The following ZNF516 variants were observed in gnomAD, a reference collection of about 807,000 sequenced individuals.
ZNF516 encodes the protein zinc finger protein 516.
ZNF516 carries 19 observed loss-of-function variants against 79.7 expected under a neutral mutation model. The observed-to-expected ratio is 0.24, with a 90% CI of 0.17 to 0.35. ZNF516 has a LOEUF of 0.35. Among genes scored for constraint, ZNF516 ranks in the 10% least tolerant of loss-of-function variants. The probability of loss-of-function intolerance (pLI) is 1.00; values close to 1 mark genes in which losing one functional copy is unlikely to be tolerated. For missense variants in ZNF516, 1,678 were observed against 1,679.5 expected, an observed-to-expected ratio of 1.00 and a Z score of 0.02; for synonymous variants, 877 against 739.5, an observed-to-expected ratio of 1.19 and a Z score of -3.02.
chr18:76,436,770 G>A (rs1438129313), intron 3 of ZNF516, among the ~76,000 whole-genome samples: 3 of 152,060 alleles, frequency 2.0e-5, no homozygotes, highest in East Asian at 1.9e-4. Context: ...GTTTCAACGG[G>A]TAAACACATC....
chr18:76,412,081 G>A (rs757523596), intron 3 of ZNF516, among the ~76,000 whole-genome samples: 4 of 152,200 alleles, frequency 2.6e-5, no homozygotes, highest in South Asian at 2.1e-4. Flanking sequence ...CAAAATGCAA[G>A]AGCAGCCCAG....
At chr18:76,429,076 G>A (rs1599074301) in intron 3 of ZNF516, among the ~76,000 whole-genome samples, 1 of 152,330 alleles carries the variant, frequency 6.6e-6, no homozygotes, top group Middle Eastern at 3.4e-3. Context: ...TCCCTCCCGG[G>A]GACAAGATCA....
chr18:76,376,737 A>C (rs2074792795), intron 4 of ZNF516, among the ~76,000 whole-genome samples: 1 of 151,522 alleles, frequency 6.6e-6, no homozygotes, highest in South Asian at 2.1e-4. Flanking sequence ...GGGGGACGGC[A>C]CTTTCCAGGT....
intron 3 of ZNF516, among the ~76,000 whole-genome samples, chr18:76,409,331 AAATT>A (rs2145287931): frequency 6.6e-6 from 1 of 152,360 alleles, no homozygotes; most frequent in African/African-American, 2.4e-5. Flanking sequence ...TTCATTATTG[AAATT>A]AATTAAAATG....
chr18:76,474,735 A>G (rs1339820305), intron 1 of ZNF516, among the ~76,000 whole-genome samples: 1 of 152,354 alleles, frequency 6.6e-6, no homozygotes, highest in Admixed American at 6.5e-5. Context: ...GATAACCCCA[A>G]TGAATGAGAT....
In ZNF516 at chr18:76,481,602, A is replaced by G. The variant is rs1599157781; in HGVS notation, c.-272+13542T>C. 3.3e-5 allele frequency among the ~76,000 whole-genome samples: 5 copies of G among 152,344 alleles called. 1 individual carries two copies. Among genetic ancestry groups the G allele is most frequent in the Admixed American group, 3.3e-4 (5 of 15,302 alleles). On this transcript the variant is annotated intron_variant, in intron 1 of 6. Coordinates refer to ENST00000443185, the MANE Select transcript of ZNF516 (RefSeq NM_014643.4). ...GAAGTTACTCACCTGTGCAGGCCTCAGTGTCCTCTCGGGTAAAAGGGGATG... is the reference window on the plus strand; with the variant it reads ...GAAGTTACTCACCTGTGCAGGCCTCGGTGTCCTCTCGGGTAAAAGGGGATG...
In ZNF516 at chr18:76,361,998, A is replaced by T. The variant is rs2074545298; in HGVS notation, c.*500T>A. On this transcript the variant is annotated 3_prime_UTR_variant, in exon 7 of 7. Coordinates refer to ENST00000443185, the MANE Select transcript of ZNF516 (RefSeq NM_014643.4). ...CACTAAGACAAGGAGAGGCAGTAGT[A>T]TTAATACTCGATCAACCTCAAATCC... 1 of 153,050 alleles carries T rather than the reference A, an allele frequency of 6.5e-6. No individual in the cohort carries two copies. Among genetic ancestry groups the T allele is most frequent in the African/African-American group, 2.4e-5 (1 of 41,418 alleles). 9.5% of individuals were successfully genotyped at this position (153,050 alleles called of 1,614,324 possible). A position where few individuals can be genotyped will look rare whatever the true frequency, so the allele number is the denominator to read the frequency against.
intron 2 of ZNF516, 64 bp downstream of exon 2, chr18:76,462,964 A>G (rs748986999): frequency 1.3e-5 from 2 of 152,254 alleles, no homozygotes; most frequent in Non-Finnish European, 2.9e-5. Flanking sequence ...AGCTTGATTG[A>G]AATTCCAGGT....
chr18:76,477,707 A>C (rs1171180292), intron 1 of ZNF516, among the ~76,000 whole-genome samples: 9 of 152,138 alleles, frequency 5.9e-5, no homozygotes, highest in Non-Finnish European at 7.4e-5. Flanking sequence ...CCCACTGTAA[A>C]GGGTTCCTTT....
chr18:76,360,600 T>C lies in ZNF516; in HGVS notation c.*1898A>G, dbSNP rs1042387736. 1.5e-5 allele frequency: 2 copies of C among 131,346 alleles called. No homozygotes were observed. The highest frequency in any genetic ancestry group is 8.8e-5 in the Admixed American group (1 of 11,390). 8.1% of individuals were successfully genotyped at this position (131,346 alleles called of 1,614,324 possible). On this transcript the variant is annotated 3_prime_UTR_variant, in exon 7 of 7. Transcript: ENST00000443185. ...CAACAGGACAGATCATTTTCGTACA[T>C]ATCTGGTGTAAGAATATCAGAAAAA...
chr18:76,405,582 ACTTTCGGGGCAC>A (rs2075293121), intron 3 of ZNF516, among the ~76,000 whole-genome samples: 1 of 151,070 alleles, frequency 6.6e-6, no homozygotes, highest in South Asian at 2.1e-4. Context: ...TACCCCTTTC[ACTTTCGGGGCAC>A]CCGGTTCTGT....
chr18:76,423,191 T>A (rs1342143068), intron 3 of ZNF516, among the ~76,000 whole-genome samples: 1 of 152,100 alleles, frequency 6.6e-6, no homozygotes, highest in Non-Finnish European at 1.5e-5. Flanking sequence ...GCATATATGT[T>A]CCCAAAAGGA....
Position 76,362,499 on chromosome 18 carries a change from T to C in ZNF516, c.3491A>G (p.Ter1164=). The change falls in exon 7 of 7, where the codon TAA becomes TGA. Residue 1164 remains the stop codon, a stop_retained_variant. Transcript: ENST00000443185. ...VQTVPLRKGT[*] is the part of the protein sequence containing the mutation. ...CTGGGGTGCGTCGGAAACACGCCTT[T>C]AGGTTCCCTTTCTCAGAGGCACTGT... The C allele has an allele frequency of 6.2e-7, 1 of 1,613,264 alleles. No individual in the cohort carries two copies. Among genetic ancestry groups the C allele is most frequent in the Non-Finnish European group, 8.5e-7 (1 of 1,179,310 alleles).
chr18:76,480,254 T>C (rs1914430972), intron 1 of ZNF516, among the ~76,000 whole-genome samples: 2 of 151,946 alleles, frequency 1.3e-5, no homozygotes, highest in Admixed American at 1.3e-4. Context: ...ATATACTGGA[T>C]TAAATAAAAC....
At chr18:76,416,584 C>G (rs573764713) in intron 3 of ZNF516, among the ~76,000 whole-genome samples, 1 of 152,312 alleles carries the variant, frequency 6.6e-6, no homozygotes, top group South Asian at 2.1e-4. Flanking sequence ...TGCAGGCCTT[C>G]AAGAGCCAGA....
At chr18:76,443,315 A>C in intron 2 of ZNF516, 104 bp from the exon 3 acceptor site, 7 of 461,984 alleles carry the variant, frequency 1.5e-5, no homozygotes, top group African/African-American at 2.0e-5. Flanking sequence ...CATCCAACCC[A>C]CATTAAGAAA....
intron 3 of ZNF516, among the ~76,000 whole-genome samples, chr18:76,425,870 T>C (rs565754622): frequency 6.6e-6 from 1 of 152,170 alleles, no homozygotes; most frequent in Admixed American, 6.5e-5. Flanking sequence ...CGTGCAAAAA[T>C]ACCCAGGCCC....
rs138802577 is a variant in ZNF516, at chr18:76,481,414, C to T, written c.-272+13730G>A. ...TCTAGAAAGAGGAAGGGTGGAGGGA[C>T]ACTGGTCTCCCATAGTGTCATCTCT... On this transcript the variant is annotated intron_variant, in intron 1 of 6. Transcript: ENST00000443185. Among the ~76,000 whole-genome samples the T allele has an allele frequency of 6.6e-3, 1,006 of 152,316 alleles. 4 individuals carry two copies. The highest frequency in any genetic ancestry group is 8.3e-3 in the Non-Finnish European group (563 of 68,016).
At chr18:76,367,098 C>A (rs141524648) in intron 6 of ZNF516, among the ~76,000 whole-genome samples, 1 of 152,196 alleles carries the variant, frequency 6.6e-6, no homozygotes, top group Admixed American at 6.5e-5. Context: ...TGAATTCTAT[C>A]TGGAAATGTT....
Sources: allele counts gnomAD v4.1 joint callset (sites outside exome capture counted in the v4.1 genomes callset), GRCh38; gene constraint gnomAD v4.1.1; transcripts MANE v1.5; gene names NCBI Gene and HGNC (gene_info 2026-07-23, HGNC 2026-07-21).